C8orf34: variants seen among roughly 807,000 people sequenced by gnomAD.
C8orf34 encodes uncharacterized protein C8orf34.
A neutral mutation model predicts 68.3 loss-of-function variants in C8orf34; 65 were observed. That is an observed-to-expected ratio of 0.95 (90% CI 0.78 to 1.17). The LOEUF (loss-of-function observed/expected upper bound fraction) is 1.17, where lower values mean the gene tolerates loss of function less well. Ranked by LOEUF, C8orf34 falls within the 50% of genes most tolerant of loss-of-function variation. The pLI, the probability that C8orf34 is intolerant of heterozygous loss-of-function variation, is 0.00. For missense variants in C8orf34, 664 were observed against 655.4 expected (o/e 1.01, Z -0.14); for synonymous variants, 244 against 241.2 (o/e 1.01, Z -0.11).
At chr8:68,802,656 G>C (rs1363689216) in intron 12 of C8orf34, among the ~76,000 whole-genome samples, 1 of 151,832 alleles carries the variant, frequency 6.6e-6, no homozygotes, top group African/African-American at 2.4e-5. Flanking sequence ...ATGCCACCAT[G>C]CCAGATAATT....
intron 6 of C8orf34, among the ~76,000 whole-genome samples, chr8:68,527,636 A>G (rs1434586708): frequency 6.6e-6 from 1 of 152,170 alleles, no homozygotes; most frequent in East Asian, 1.9e-4. Context: ...TCCCCATCCC[A>G]AGATTGATAG....
chr8:68,609,381 T>A (rs1023658751), intron 7 of C8orf34, among the ~76,000 whole-genome samples: 1 of 152,122 alleles, frequency 6.6e-6, no homozygotes, highest in African/African-American at 2.4e-5. Flanking sequence ...ATGAAAATGA[T>A]CTTCCAGGAG....
intron 1 of C8orf34, among the ~76,000 whole-genome samples, chr8:68,341,958 T>C (rs1031425956): frequency 2.0e-5 from 3 of 152,170 alleles, no homozygotes; most frequent in Non-Finnish European, 4.4e-5. Context: ...GGTCAAACAA[T>C]ATGAGGTTTC....
chr8:68,488,171 C>G, intron 5 of C8orf34, 120 bp downstream of exon 5: 1 of 676,468 alleles, frequency 1.5e-6, no homozygotes, highest in South Asian at 2.6e-5. Flanking sequence ...TTTGGGCTAA[C>G]ATTTTAAAAC....
intron 7 of C8orf34, among the ~76,000 whole-genome samples, chr8:68,635,486 C>T (rs377291704): frequency 1.3e-5 from 2 of 152,262 alleles, no homozygotes; most frequent in African/African-American, 2.4e-5. Flanking sequence ...TAATTCATAA[C>T]AAAATGGCCC....
chr8:68,588,606 C>A (rs573047414), intron 7 of C8orf34, among the ~76,000 whole-genome samples: 107 of 152,152 alleles, frequency 7.0e-4, no homozygotes, highest in African/African-American at 2.5e-3. Context: ...TGAGGAAAGA[C>A]CAAAAGAACT....
chr8:68,516,620 C>CTATTTATT (rs200892538), intron 5 of C8orf34, among the ~76,000 whole-genome samples: 156 of 150,168 alleles, frequency 1.0e-3, no homozygotes, highest in African/African-American at 3.4e-3. Context: ...ACTGGGAATG[C>CTATTTATT]TATTTATTTA....
chr8:68,482,356 A>G (rs370407050), intron 4 of C8orf34, among the ~76,000 whole-genome samples: 1 of 152,198 alleles, frequency 6.6e-6, no homozygotes, highest in African/African-American at 2.4e-5. Context: ...ACACCAGTTG[A>G]GGATTGAATT....
intron 3 of C8orf34, among the ~76,000 whole-genome samples, chr8:68,456,331 A>C (rs577739119): frequency 2.6e-5 from 4 of 152,184 alleles, no homozygotes; most frequent in African/African-American, 9.7e-5. Flanking sequence ...TTTCTGAAGA[A>C]AAAAGCAACT....
chr8:68,484,701 A>G (rs1813001404), intron 4 of C8orf34, among the ~76,000 whole-genome samples: 1 of 152,242 alleles, frequency 6.6e-6, no homozygotes, highest in Admixed American at 6.5e-5. Flanking sequence ...GCCACTCAGT[A>G]TAAATGGTTC....
chr8:68,782,178 T>A (rs1585874172), intron 11 of C8orf34, among the ~76,000 whole-genome samples: 1 of 152,226 alleles, frequency 6.6e-6, no homozygotes, highest in Non-Finnish European at 1.5e-5. Flanking sequence ...TCATATTTCT[T>A]CTTTGAACAT....
At chr8:68,460,383 C>T (rs1811753261) in intron 3 of C8orf34, among the ~76,000 whole-genome samples, 1 of 152,244 alleles carries the variant, frequency 6.6e-6, no homozygotes, top group Admixed American at 6.5e-5. Context: ...AACAAAAAGA[C>T]AGCAGTAACC....
chr8:68,615,710 T>A (rs1818187062), intron 7 of C8orf34, among the ~76,000 whole-genome samples: 2 of 152,224 alleles, frequency 1.3e-5, no homozygotes, highest in Admixed American at 6.5e-5. Flanking sequence ...TATTGAGGAT[T>A]TTTGCATCAA....
intron 1 of C8orf34, among the ~76,000 whole-genome samples, chr8:68,423,655 C>T (rs186285250): frequency 3.1e-4 from 47 of 152,190 alleles, no homozygotes; most frequent in Admixed American, 2.5e-3. Context: ...TCCACATTTT[C>T]GGGTATCTTT....
chr8:68,395,361 T>TCACACACA (rs61037782), intron 1 of C8orf34, among the ~76,000 whole-genome samples: 5 of 77,776 alleles, frequency 6.4e-5, no homozygotes, highest in East Asian at 6.0e-4. Context: ...TGTGTGTCTC[T>TCACACACA]CACACACACA....
intron 9 of C8orf34, among the ~76,000 whole-genome samples, chr8:68,712,749 A>G (rs1821361228): frequency 6.6e-6 from 1 of 152,236 alleles, no homozygotes; most frequent in Non-Finnish European, 1.5e-5. Flanking sequence ...ATAGTGGGGG[A>G]CTTTAATACC....
chr8:68,465,787 T>A (rs1812095308), intron 3 of C8orf34, among the ~76,000 whole-genome samples: 2 of 148,132 alleles, frequency 1.4e-5, no homozygotes, highest in African/African-American at 2.5e-5. Context: ...AACATCACAC[T>A]CTGGGGCCTG....
intron 10 of C8orf34, among the ~76,000 whole-genome samples, chr8:68,737,668 A>G (rs572297951): frequency 6.6e-6 from 1 of 151,994 alleles, no homozygotes; most frequent in Non-Finnish European, 1.5e-5. Flanking sequence ...ATTAAAAAAA[A>G]AGACAAAGAA....
chr8:68,751,398 GAGA>G (rs1822704335), intron 10 of C8orf34, among the ~76,000 whole-genome samples: 1 of 152,128 alleles, frequency 6.6e-6, no homozygotes, highest in East Asian at 1.9e-4. Flanking sequence ...ACAAGTTTCA[GAGA>G]AGGATTGTTA....
Sources: allele counts gnomAD v4.1 joint callset (sites outside exome capture counted in the v4.1 genomes callset), GRCh38; gene constraint gnomAD v4.1.1; transcripts MANE v1.5; gene names NCBI Gene and HGNC (gene_info 2026-07-23, HGNC 2026-07-21).